The following TMEM230 variants were observed in gnomAD, a reference collection of about 807,000 sequenced individuals.
TMEM230 encodes transmembrane protein 230.
TMEM230 carries 10 observed loss-of-function variants against 15.8 expected under a neutral mutation model. The observed-to-expected ratio is 0.63, with a 90% CI of 0.39 to 1.07. The LOEUF (loss-of-function observed/expected upper bound fraction) is 1.07. Among genes scored for constraint, TMEM230 ranks in the 50% least tolerant of loss-of-function variants. TMEM230 has a pLI of 0.01. For missense variants in TMEM230, 165 were observed against 193.3 expected, an observed-to-expected ratio of 0.85 and a Z score of 0.87; for synonymous variants, 67 against 76.9, an observed-to-expected ratio of 0.87 and a Z score of 0.68.
At chr20:5,064,910 C>A (rs2088637676), downstream of TMEM230, among the ~76,000 whole-genome samples, 1 of 152,032 alleles carries the variant, frequency 6.6e-6, no homozygotes, top group African/African-American at 2.4e-5. Flanking sequence ...GTGGCTCATG[C>A]CTGTAATCCC....
chr20:5,082,687 G>A (rs62200433), intron 3 of TMEM230, among the ~76,000 whole-genome samples: 9,141 of 151,886 alleles, frequency 0.06, 460 homozygotes, highest in Non-Finnish European at 0.085. Context: ...CAAGTGATCC[G>A]CTCACCTTGG....
intron 3 of TMEM230, among the ~76,000 whole-genome samples, chr20:5,070,593 G>A (rs1419482916): frequency 6.6e-6 from 1 of 152,170 alleles, no homozygotes; most frequent in East Asian, 1.9e-4. Flanking sequence ...ATCCAGATGC[G>A]CAAAGGGCTG....
downstream of TMEM230, among the ~76,000 whole-genome samples, chr20:5,099,444 C>T (rs577675574): frequency 6.6e-6 from 1 of 151,806 alleles, no homozygotes; most frequent in East Asian, 1.9e-4. Flanking sequence ...TGCTTCAGGT[C>T]ACCCTCTCTT....
At chr20:5,071,113 C>T (rs6107573) in intron 3 of TMEM230, among the ~76,000 whole-genome samples, 4 of 152,078 alleles carry the variant, frequency 2.6e-5, no homozygotes, top group Non-Finnish European at 4.4e-5. Context: ...TGATCATGTC[C>T]TTAGATGCAC....
downstream of TMEM230, chr20:5,067,924 T>G (rs1368508553): frequency 2.0e-5 from 3 of 152,104 alleles, no homozygotes; most frequent in Admixed American, 1.3e-4. Flanking sequence ...CAGACCTGGC[T>G]ATTTTTAAAA....
chr20:5,102,766 T>C (rs1451443737), intron 4 of TMEM230, among the ~76,000 whole-genome samples: 1 of 150,500 alleles, frequency 6.6e-6, no homozygotes, highest in African/African-American at 2.4e-5. Context: ...ACTTCCAAAC[T>C]GATTCTACTA....
downstream of TMEM230, among the ~76,000 whole-genome samples, chr20:5,096,084 G>C (rs546359392): frequency 1.3e-5 from 2 of 152,328 alleles, no homozygotes; most frequent in Non-Finnish European, 2.9e-5. Context: ...TCAGGGAGAG[G>C]AGCCCTGCCT....
At chr20:5,112,913 A>G (rs1600433954) in intron 1 of TMEM230, 48 bp downstream of exon 1, 1 of 1,549,136 alleles carries the variant, frequency 6.5e-7, no homozygotes, top group Non-Finnish European at 8.7e-7. Flanking sequence ...ACACGCCCAG[A>G]GCCCGAGAGG....
chr20:5,063,544 C>T (rs909484322), downstream of TMEM230, among the ~76,000 whole-genome samples: 4 of 152,170 alleles, frequency 2.6e-5, no homozygotes, highest in South Asian at 2.1e-4. Flanking sequence ...CCACCTCGGC[C>T]TCCCAGAGTG....
At position 5,085,930 on chromosome 20, in the gene TMEM230, G is replaced by T. The variant is rs567543587; in HGVS notation, c.223-16581C>A. On this transcript the variant is annotated intron_variant, in intron 3 of 3. Transcript: ENST00000612323. ...AGGTGGTTGTCAGGCCATACCTGCC[G>T]TGTCACCTCTCACAGGTGCTCCTCT... Among the ~76,000 whole-genome samples, 7 of 152,210 alleles carry T rather than the reference G, an allele frequency of 4.6e-5. No homozygotes were observed. The East Asian group carries it at 5.8e-4, about 13-fold the overall frequency.
rs2089784671 is a variant in TMEM230 at position 5,099,850 on chromosome 20, T to C, written c.*941A>G. The C allele has an allele frequency of 1.0e-6, 1 of 959,296 alleles. No homozygotes were observed. The allele number at this position is 959,296 out of a possible 1,614,324, so 59.4% of individuals were successfully genotyped here. Reference sequence around the variant, plus strand: ...AAAATCATTAAAATGTTTTCTGAAATGTTTGAAGTTAACTCATTTTATTTC... The same window carrying C: ...AAAATCATTAAAATGTTTTCTGAAACGTTTGAAGTTAACTCATTTTATTTC... On this transcript the variant is annotated 3_prime_UTR_variant, in exon 5 of 5. Transcript: ENST00000342308.
At chr20:5,072,848 C>CAAAAA (rs3056051) in intron 3 of TMEM230, among the ~76,000 whole-genome samples, 1 of 51,440 alleles carries the variant, frequency 1.9e-5, no homozygotes, top group Non-Finnish European at 3.4e-5. Flanking sequence ...GACTCCACCT[C>CAAAAA]AAAAAAAAAA....
intron 3 of TMEM230, among the ~76,000 whole-genome samples, chr20:5,076,784 T>C (rs867694521): frequency 6.7e-6 from 1 of 148,880 alleles, no homozygotes; most frequent in Admixed American, 6.7e-5. Flanking sequence ...TTCAAGCGAT[T>C]CTCCTGCCTC....
intron 3 of TMEM230, among the ~76,000 whole-genome samples, chr20:5,071,095 G>C (rs1400810340): frequency 6.6e-6 from 1 of 152,152 alleles, no homozygotes; most frequent in Non-Finnish European, 1.5e-5. Flanking sequence ...CAATACTCAA[G>C]AGTCAGCTGA....
At chr20:5,109,108 C>G in intron 3 of TMEM230, 1 of 391,140 alleles carries the variant, frequency 2.6e-6, no homozygotes, top group Non-Finnish European at 4.6e-6. Flanking sequence ...TCTCGCATTA[C>G]AACTAAAAAT....
chr20:5,096,399 T>G (rs1027894842), downstream of TMEM230, among the ~76,000 whole-genome samples: 19 of 152,208 alleles, frequency 1.2e-4, no homozygotes, highest in African/African-American at 3.9e-4. Flanking sequence ...ATCACTGAAC[T>G]ACATACCTGT....
intron 3 of TMEM230, among the ~76,000 whole-genome samples, chr20:5,076,875 G>C (rs1167780622): frequency 6.6e-6 from 1 of 151,208 alleles, no homozygotes; most frequent in Admixed American, 6.6e-5. Flanking sequence ...ACGGGGTTTC[G>C]CCATGTTGGC....
chr20:5,069,068 AGTAG>A (rs1267743590), exon 4 of TMEM230: 3 of 871,490 alleles, frequency 3.4e-6, no homozygotes, highest in Non-Finnish European at 5.1e-6. Flanking sequence ...TCCTGCTCTT[AGTAG>A]GAGAAGCTCT....
At position 5,112,972 on chromosome 20, in the gene TMEM230, G is replaced by C; in HGVS notation, c.57C>G (p.Gly19=). ...CACACACGCCTTACCGGAGCGCCGC[G>C]CCAGGCCGCCCGCACACCCAGAGCT... is the stretch of plus-strand genomic sequence containing the variant. Residue 19 remains glycine, a synonymous_variant, in exon 1 of 5, where the codon GGC becomes GGG. Transcript: ENST00000342308. 6.5e-7 allele frequency: 1 copy of C among 1,550,372 alleles called. No homozygotes were observed.
Sources: allele counts gnomAD v4.1 joint callset (sites outside exome capture counted in the v4.1 genomes callset), GRCh38; gene constraint gnomAD v4.1.1; transcripts MANE v1.5; gene names NCBI Gene and HGNC (gene_info 2026-07-23, HGNC 2026-07-21).